The following CFAP157 variants were observed in gnomAD, a reference collection of about 807,000 sequenced individuals.
CFAP157 encodes cilia and flagella associated protein 157.
A neutral mutation model predicts 57.8 loss-of-function variants in CFAP157; 43 were observed. The ratio of observed to expected loss-of-function variants is 0.74; its 90% CI spans 0.58 to 0.96. CFAP157 has a LOEUF of 0.96. Among genes scored for constraint, CFAP157 ranks in the 40% least tolerant of loss-of-function variants. The probability of loss-of-function intolerance (pLI) is 0.00; values close to 1 mark genes in which losing one functional copy is unlikely to be tolerated. For synonymous variants in CFAP157, 267 were observed against 269.0 expected (o/e 0.99, Z 0.07); for missense variants, 606 against 655.3 (o/e 0.92, Z 0.82).
intron 6 of CFAP157, 67 bp from the exon 7 acceptor site, chr9:127,712,642 A>T (rs757842547): frequency 6.2e-7 from 1 of 1,612,852 alleles, no homozygotes; most frequent in Non-Finnish European, 8.5e-7. Flanking sequence ...CTGAGGTTGG[A>T]ATTTCCTGGA....
In CFAP157 at chr9:127,714,553, A is replaced by G. The variant is rs1564369543; in HGVS notation, c.*648A>G. The G allele has an allele frequency of 2.5e-6, 4 of 1,596,014 alleles. No individual in the cohort carries two copies. Among genetic ancestry groups the G allele is most frequent in the Non-Finnish European group, 3.4e-6 (4 of 1,164,176 alleles). On this transcript the variant is annotated 3_prime_UTR_variant, in exon 9 of 9. Coordinates refer to ENST00000373295, the MANE Select transcript of CFAP157 (RefSeq NM_001012502.3). Reference sequence around the variant, plus strand: ...GGGTCAGCAGCCCTACTCCACCCCAACTGGGAGGCCTGAAGCCCTATCCCA... The same window carrying G: ...GGGTCAGCAGCCCTACTCCACCCCAGCTGGGAGGCCTGAAGCCCTATCCCA...
At position 127,715,965 on chromosome 9, in the gene CFAP157, G is replaced by A; in HGVS notation, c.*2060G>A. On this transcript the variant is annotated 3_prime_UTR_variant, in exon 9 of 9. Coordinates refer to ENST00000373295, the MANE Select transcript of CFAP157 (RefSeq NM_001012502.3). The surrounding 1 kb of genome is among the most constrained non-coding windows in gnomAD (Gnocchi z 5.8). Reference sequence around the variant, plus strand: ...CTGGCAAGTCCTTTCCCCGCTGTAGGCCTCAACCTCTCCAGCTAATAAAAG... The same window carrying A: ...CTGGCAAGTCCTTTCCCCGCTGTAGACCTCAACCTCTCCAGCTAATAAAAG... The A allele has an allele frequency of 1.1e-6, 1 of 895,546 alleles. No homozygotes were observed. The allele number at this position is 895,546 out of a possible 1,614,324, so 55.5% of individuals were successfully genotyped here. A position where few individuals can be genotyped will look rare whatever the true frequency, so the allele number is the denominator to read the frequency against.
intron 2 of CFAP157, among the ~76,000 whole-genome samples, chr9:127,710,085 C>G (rs1029704437): frequency 2.6e-5 from 4 of 152,078 alleles, no homozygotes; most frequent in Admixed American, 6.5e-5. Context: ...CAAGCCTAGG[C>G]AACATAGCGA....
Position 127,709,106 on chromosome 9 carries a change from A to T in CFAP157, c.162-316A>T, listed in dbSNP as rs1842707160. The stretch of plus-strand genomic sequence containing the variant: ...TACATTCTTATAGGTTGTTGTAATG[A>T]TTTAACAAACACACTGCACACCTGC... On this transcript the variant is annotated intron_variant, in intron 1 of 8. Transcript: ENST00000373295. This position sits in a 1 kb window ranked among gnomAD's most constrained non-coding sequence, Gnocchi z 4.7. Among the ~76,000 whole-genome samples the T allele has an allele frequency of 6.6e-6, 1 of 152,234 alleles. No individual in the cohort carries two copies. The highest frequency in any genetic ancestry group is 6.5e-5 in the Admixed American group (1 of 15,286).
rs367957409 is a variant in CFAP157, at chr9:127,715,648, C to A, written c.*1743C>A. The A allele has an allele frequency of 1.4e-5, 23 of 1,610,272 alleles. No homozygotes were observed. The highest frequency in any genetic ancestry group is 1.6e-4 in the Middle Eastern group (1 of 6,078). ...AAGCCGCCCGGCCTCATGCTGCCCC[C>A]ATTCACTCCGACACCGCCCCCTGAC... On this transcript the variant is annotated 3_prime_UTR_variant, in exon 9 of 9. Transcript: ENST00000373295. The surrounding 1 kb of genome is among the most constrained non-coding windows in gnomAD (Gnocchi z 5.8).
At chr9:127,708,977 C>G (rs1252193756) in intron 1 of CFAP157, among the ~76,000 whole-genome samples, 1 of 152,248 alleles carries the variant, frequency 6.6e-6, no homozygotes, top group African/African-American at 2.4e-5. Context: ...CAGACTGATT[C>G]AGGTTCAAGT....
rs549752136 is a variant in CFAP157 at position 127,714,071 on chromosome 9, A to G, written c.*166A>G. The G allele has an allele frequency of 1.2e-5, 20 of 1,606,330 alleles. No homozygotes were observed. The African/African-American group carries it at 2.3e-4, about 18-fold the overall frequency. The stretch of plus-strand genomic sequence containing the variant: ...CAGTGGCTGGGTTGGTGGGCACTAC[A>G]GTCAGGCAGGCAGCCATGGCCACTA... On this transcript the variant is annotated 3_prime_UTR_variant, in exon 9 of 9. Coordinates refer to ENST00000373295, the MANE Select transcript of CFAP157 (RefSeq NM_001012502.3).
At position 127,711,274 on chromosome 9, in the gene CFAP157, G is replaced by A; in HGVS notation, c.633G>A (p.Glu211=). 1 of 1,614,182 alleles carries A rather than the reference G, an allele frequency of 6.2e-7. No homozygotes were observed. The highest frequency in any genetic ancestry group is 8.5e-7 in the Non-Finnish European group (1 of 1,180,032). ...AGCGCGTGAACCTCGTGGCCAATGA[G>A]TTCCACAAGGTGACCACGAACCGGA... The part of the protein sequence containing the change: ...IIQRVNLVAN[E]FHKVTTNRMW... Residue 211 remains glutamate (E), a synonymous_variant, in exon 4 of 9, where the codon GAG becomes GAA. Coordinates refer to ENST00000373295, the MANE Select transcript of CFAP157 (RefSeq NM_001012502.3).
chr9:127,713,199 G>T lies in CFAP157; in HGVS notation c.1484G>T (p.Ser495Ile), dbSNP rs1002295485. The part of the protein sequence containing the change: ...TRVGTFRAHS[S>I]PEMRAPGSLK... ...GTGGGGACCTTCCGGGCACACAGCA[G>T]CCCTGAGGTGAGGGTGCCAGGGGCC... Residue 495 changes from serine to isoleucine, a missense_variant, in exon 8 of 9, where the codon AGC becomes ATC. Ser to Ile is a moderately radical substitution (Grantham distance 142, BLOSUM62 -2). Transcript: ENST00000373295. The T allele has an allele frequency of 6.5e-7, 1 of 1,529,594 alleles. No individual in the cohort carries two copies. Among genetic ancestry groups the T allele is most frequent in the Non-Finnish European group, 8.8e-7 (1 of 1,138,260 alleles). The allele number at this position is 1,529,594 out of a possible 1,614,324, so 94.8% of individuals were successfully genotyped here.
At position 127,714,941 on chromosome 9, in the gene CFAP157, G is replaced by GGCCCCCCCCCCCCCCC; in HGVS notation, c.*1036_*1037insGCCCCCCCCCCCCCCC. Reference sequence around the variant, plus strand: ...CCGCGCCCCAACCCCCACCCCCTTGGCCCGCCCGCCCACCCCTGGCGCTCT... The same window carrying GGCCCCCCCCCCCCCCC: ...CCGCGCCCCAACCCCCACCCCCTTGGGCCCCCCCCCCCCCCCCCCGCCCGCCCACCCCTGGCGCTCT... On this transcript the variant is annotated 3_prime_UTR_variant, in exon 9 of 9. Coordinates refer to ENST00000373295, the MANE Select transcript of CFAP157 (RefSeq NM_001012502.3). 5 of 446,380 alleles carry GGCCCCCCCCCCCCCCC rather than the reference G, an allele frequency of 1.1e-5. No homozygotes were observed. Among genetic ancestry groups the GGCCCCCCCCCCCCCCC allele is most frequent in the South Asian group, 2.1e-5 (1 of 47,492 alleles). The allele number at this position is 446,380 out of a possible 1,614,324, so 27.7% of individuals were successfully genotyped here. A position where few individuals can be genotyped will look rare whatever the true frequency, so the allele number is the denominator to read the frequency against.
intron 8 of CFAP157, 83 bp downstream of exon 8, chr9:127,713,289 G>A (rs1842811763): frequency 9.4e-7 from 1 of 1,060,404 alleles, no homozygotes; most frequent in African/African-American, 1.6e-5. Flanking sequence ...CCACAGCTGT[G>A]TGGCCCTGGG....
At chr9:127,711,978 G>A (rs755130696) in intron 5 of CFAP157, 28 bp downstream of exon 5, 34 of 1,587,940 alleles carry the variant, frequency 2.1e-5, no homozygotes, top group Middle Eastern at 2.2e-4. Flanking sequence ...AGGGGCGGGC[G>A]GCGGGTGCAG....
chr9:127,711,558 C>A, intron 4 of CFAP157, 62 bp downstream of exon 4: 1 of 1,568,494 alleles, frequency 6.4e-7, no homozygotes, highest in Non-Finnish European at 8.6e-7. Flanking sequence ...GCCCTGGGGG[C>A]CCTGCAGGGG....
In CFAP157 at chr9:127,715,759, C is replaced by G; in HGVS notation, c.*1854C>G. On this transcript the variant is annotated 3_prime_UTR_variant, in exon 9 of 9. Coordinates refer to ENST00000373295, the MANE Select transcript of CFAP157 (RefSeq NM_001012502.3). This position sits in a 1 kb window ranked among gnomAD's most constrained non-coding sequence, Gnocchi z 5.8. ...AATCCGGGCCGGGCTACGTGGCCGC[C>G]ATGCTTCTGAGGGGCGGAAGCGGCG... The G allele has an allele frequency of 1.3e-6, 2 of 1,527,408 alleles. No individual in the cohort carries two copies. Among genetic ancestry groups the G allele is most frequent in the Non-Finnish European group, 1.8e-6 (2 of 1,142,056 alleles). The allele number at this position is 1,527,408 out of a possible 1,614,324, so 94.6% of individuals were successfully genotyped here. A position where few individuals can be genotyped will look rare whatever the true frequency, so the allele number is the denominator to read the frequency against.
At position 127,711,376 on chromosome 9, in the gene CFAP157, C is replaced by T. The variant is rs1437403109; in HGVS notation, c.735C>T (p.Gly245=). 9.3e-6 allele frequency: 15 copies of T among 1,614,114 alleles called. No homozygotes were observed. The highest frequency in any genetic ancestry group is 1.7e-5 in the Admixed American group (1 of 60,004). Residue 245 remains glycine, a synonymous_variant, in exon 4 of 9, where the codon GGC becomes GGT. Transcript: ENST00000373295. The part of the protein sequence containing the change: ...TLQMARVSQQ[G]MKLLQENEQL... ...AGATGGCCAGGGTCTCCCAGCAAGGCATGAAGCTGCTGCAGGAGAATGAGC... is the reference window on the plus strand; with the variant it reads ...AGATGGCCAGGGTCTCCCAGCAAGGTATGAAGCTGCTGCAGGAGAATGAGC...
intron 3 of CFAP157, 132 bp downstream of exon 3, chr9:127,710,886 T>G: frequency 9.7e-7 from 1 of 1,029,790 alleles, no homozygotes; most frequent in Non-Finnish European, 1.4e-6. Context: ...GACAACCTGC[T>G]ACTCCTTGGA....
chr9:127,709,951 T>G lies in CFAP157; in HGVS notation c.433+258T>G, dbSNP rs1479508437. Among the ~76,000 whole-genome samples, 3 of 152,156 alleles carry G rather than the reference T, an allele frequency of 2.0e-5. No homozygotes were observed. Among genetic ancestry groups the G allele is most frequent in the African/African-American group, 7.2e-5 (3 of 41,448 alleles). ...TGTGAGGCTCAAATGTCAGATGGCA[T>G]TAGAACCTAGCCCAGAGAATATATA... On this transcript the variant is annotated intron_variant, in intron 2 of 8. Transcript: ENST00000373295. This position sits in a 1 kb window ranked among gnomAD's most constrained non-coding sequence, Gnocchi z 4.7.
At position 127,714,881 on chromosome 9, in the gene CFAP157, G is replaced by A. The variant is rs550045; in HGVS notation, c.*976G>A. 0.51 allele frequency: 538,670 copies of A among 1,054,992 alleles called. 144,065 individuals carry two copies. The highest frequency in any genetic ancestry group is 0.61 in the Middle Eastern group (2,397 of 3,902). The allele number at this position is 1,054,992 out of a possible 1,614,324, so 65.4% of individuals were successfully genotyped here. A position where few individuals can be genotyped will look rare whatever the true frequency, so the allele number is the denominator to read the frequency against. On this transcript the variant is annotated 3_prime_UTR_variant, in exon 9 of 9. Coordinates refer to ENST00000373295, the MANE Select transcript of CFAP157 (RefSeq NM_001012502.3). ...TCAACAGGTACTTGGAGGTGAACCC[G>A]CGGATCTGTCACAGCCAGTGCTCCC...
At chr9:127,713,657 C>T (rs1230046378) in intron 8 of CFAP157, 177 bp from the exon 9 acceptor site, 2 of 518,294 alleles carry the variant, frequency 3.9e-6, no homozygotes, top group Non-Finnish European at 7.0e-6. Flanking sequence ...CAGGCATGCA[C>T]CACCATGCCT....
Sources: gnomAD v4.1 joint callset for allele counts (sites outside exome capture counted in the v4.1 genomes callset) on GRCh38, gnomAD v4.1.1 for gene constraint, Gnocchi (gnomAD v3.1) non-coding constraint, MANE v1.5 for transcripts, NCBI Gene and HGNC (gene_info 2026-07-23, HGNC 2026-07-21) for gene names.